Variants in MIR2052HG observed in about 807,000 individuals in gnomAD.
MIR2052HG encodes MIR2052 host gene.
chr8:74,741,501 G>A (rs918506671), intron 4 of MIR2052HG, among the ~76,000 whole-genome samples: 11 of 152,088 alleles, frequency 7.2e-5, no homozygotes, highest in Admixed American at 3.9e-4. Context: ...TGTTGTTGTT[G>A]TTTGTTGTCA....
chr8:74,635,449 T>C (rs1808571356), intron 2 of MIR2052HG, among the ~76,000 whole-genome samples: 2 of 151,960 alleles, frequency 1.3e-5, no homozygotes, highest in African/African-American at 4.8e-5. Flanking sequence ...TCCACAGATA[T>C]AGAAAGAAAG....
At chr8:74,612,861 A>G (rs1451720264) in exon 2 of MIR2052HG, 2 of 456,144 alleles carry the variant, frequency 4.4e-6, no homozygotes, top group Non-Finnish European at 8.8e-6. Flanking sequence ...AGTTCCCGAG[A>G]GATCCCATGA....
intron 2 of MIR2052HG, among the ~76,000 whole-genome samples, chr8:74,655,662 G>T (rs560480794): frequency 7.2e-5 from 11 of 152,328 alleles, no homozygotes; most frequent in Non-Finnish European, 1.3e-4. Flanking sequence ...TTGCTGCAGG[G>T]GTGGGGCCCT....
chr8:74,693,139 A>G (rs963139576), intron 2 of MIR2052HG, among the ~76,000 whole-genome samples: 5 of 152,202 alleles, frequency 3.3e-5, no homozygotes, highest in African/African-American at 4.8e-5. Context: ...CAATGTTTCT[A>G]TGTTTTATTC....
chr8:74,708,863 T>A (rs1809436924), intron 4 of MIR2052HG, among the ~76,000 whole-genome samples: 1 of 151,850 alleles, frequency 6.6e-6, no homozygotes, highest in African/African-American at 2.4e-5. Context: ...TAAATTTAAA[T>A]TTTAAAAGTG....
At chr8:74,705,781 T>G (rs1035960935) in intron 4 of MIR2052HG, 7 of 169,948 alleles carry the variant, frequency 4.1e-5, no homozygotes, top group African/African-American at 1.7e-4. Flanking sequence ...TCCTTTCCCT[T>G]ACAGAGAAGC....
intron 4 of MIR2052HG, among the ~76,000 whole-genome samples, chr8:74,734,942 T>C (rs1045010277): frequency 1.3e-5 from 2 of 152,240 alleles, no homozygotes; most frequent in African/African-American, 4.8e-5. Context: ...TGAAATACCC[T>C]GGAGCTACAT....
intron 2 of MIR2052HG, among the ~76,000 whole-genome samples, chr8:74,637,822 T>G (rs992496269): frequency 2.0e-5 from 3 of 152,160 alleles, no homozygotes; most frequent in Non-Finnish European, 4.4e-5. Context: ...CTTACTGTAT[T>G]TCCCTTCAAT....
intron 1 of MIR2052HG, among the ~76,000 whole-genome samples, chr8:74,602,438 A>T (rs1312770358): frequency 6.6e-6 from 1 of 152,126 alleles, no homozygotes; most frequent in Non-Finnish European, 1.5e-5. Context: ...TTAGCATATG[A>T]TCAAGAAATA....
intron 4 of MIR2052HG, among the ~76,000 whole-genome samples, chr8:74,712,756 A>T (rs1237659767): frequency 6.7e-6 from 1 of 149,758 alleles, no homozygotes; most frequent in African/African-American, 2.5e-5. Flanking sequence ...ACTTAAGACT[A>T]CCCATTGTGT....
intron 2 of MIR2052HG, among the ~76,000 whole-genome samples, chr8:74,635,531 A>G (rs1039719072): frequency 6.6e-6 from 1 of 152,170 alleles, no homozygotes; most frequent in Non-Finnish European, 1.5e-5. Context: ...ACAGAACACA[A>G]TTTGTTCCAC....
rs565349844 is a variant in MIR2052HG, at chr8:74,696,840, A to C, written n.217-5539A>C. 1.1e-4 allele frequency among the ~76,000 whole-genome samples: 17 copies of C among 150,666 alleles called. No individual in the cohort carries two copies. In the East Asian group the frequency reaches 2.7e-3, roughly 24 times the overall value. On this transcript the variant is annotated intron_variant and non_coding_transcript_variant, in intron 2 of 6. Transcript: ENST00000523442. ...AAATGGTAATTTAAAAAATGCCACAAAAAAAAAAGTCCAGGACCAGATGGT... is the reference window on the plus strand; with the variant it reads ...AAATGGTAATTTAAAAAATGCCACACAAAAAAAAGTCCAGGACCAGATGGT...
At chr8:74,720,034 T>G (rs1411105359) in intron 4 of MIR2052HG, among the ~76,000 whole-genome samples, 1 of 151,934 alleles carries the variant, frequency 6.6e-6, no homozygotes, top group Non-Finnish European at 1.5e-5. Context: ...GCATTTTTAA[T>G]AGAGACGGGG....
chr8:74,612,539 G>A (rs925646697), intron 1 of MIR2052HG: 11 of 202,208 alleles, frequency 5.4e-5, no homozygotes, highest in South Asian at 2.2e-4. Flanking sequence ...GGTCATGCTC[G>A]TTACTAGGTA....
At chr8:74,743,200 T>C (rs905061157) in intron 4 of MIR2052HG, among the ~76,000 whole-genome samples, 9 of 152,032 alleles carry the variant, frequency 5.9e-5, no homozygotes, top group Non-Finnish European at 1.2e-4. Context: ...AGATTAAATA[T>C]AATGATTGAT....
At chr8:74,610,810 C>A (rs1385832125) in intron 1 of MIR2052HG, among the ~76,000 whole-genome samples, 2 of 151,832 alleles carry the variant, frequency 1.3e-5, no homozygotes, top group Non-Finnish European at 2.9e-5. Context: ...AATAACAACA[C>A]CCCACTGCCT....
At chr8:74,679,594 C>T (rs552728132) in intron 2 of MIR2052HG, among the ~76,000 whole-genome samples, 12 of 151,258 alleles carry the variant, frequency 7.9e-5, no homozygotes, top group East Asian at 1.9e-4. Flanking sequence ...GTCACGATCT[C>T]GGCTTACTGC....
intron 2 of MIR2052HG, among the ~76,000 whole-genome samples, chr8:74,692,150 G>A (rs1047698278): frequency 1.3e-5 from 2 of 152,144 alleles, no homozygotes; most frequent in Admixed American, 6.5e-5. Flanking sequence ...GAGTACACTG[G>A]TGCAATCTCA....
rs1187346259 is a variant in MIR2052HG at position 74,714,009 on chromosome 8, ACTCT to A, written n.371+10332_371+10335del. Reference sequence around the variant, plus strand: ...AAATCCTAAGAGAGTCTCCTAAGAGACTCTCTCTTAGGAGATTCCGCAAGTGGAA... The same window carrying A: ...AAATCCTAAGAGAGTCTCCTAAGAGACTCTTAGGAGATTCCGCAAGTGGAA... On this transcript the variant is annotated intron_variant and non_coding_transcript_variant, in intron 4 of 6. Transcript: ENST00000523442. Among the ~76,000 whole-genome samples, 10 of 151,094 alleles carry A rather than the reference ACTCT, an allele frequency of 6.6e-5. No homozygotes were observed. In the South Asian group the frequency reaches 1.9e-3, roughly 29 times the overall value.
Sources: gnomAD v4.1 joint callset for allele counts (sites outside exome capture counted in the v4.1 genomes callset) on GRCh38, gnomAD v4.1.1 for gene constraint, MANE v1.5 for transcripts, NCBI Gene and HGNC (gene_info 2026-07-23, HGNC 2026-07-21) for gene names.